FHIT: variants seen among roughly 807,000 people sequenced by gnomAD.
FHIT encodes bis(5'-adenosyl)-triphosphatase.
FHIT carries 19 observed loss-of-function variants against 17.9 expected under a neutral mutation model. The ratio of observed to expected loss-of-function variants is 1.06; its 90% CI spans 0.74 to 1.56. The LOEUF is 1.56. Ranked by LOEUF, FHIT falls within the 40% of genes most tolerant of loss-of-function variation. FHIT has a pLI of 0.00. For missense variants in FHIT, 248 were observed against 189.2 expected, an observed-to-expected ratio of 1.31 and a Z score of -1.82; for synonymous variants, 81 against 69.7, an observed-to-expected ratio of 1.16 and a Z score of -0.81.
chr3:60,253,394 A>G (rs1397515558), intron 5 of FHIT, among the ~76,000 whole-genome samples: 2 of 152,246 alleles, frequency 1.3e-5, no homozygotes, highest in African/African-American at 4.8e-5. Flanking sequence ...ATGATGTGAA[A>G]TGAAACAAAT....
chr3:60,369,053 G>C (rs1266091893), intron 5 of FHIT, among the ~76,000 whole-genome samples: 1 of 151,962 alleles, frequency 6.6e-6, no homozygotes, highest in Admixed American at 6.6e-5. Flanking sequence ...ACTCACTGCA[G>C]TGTCAGCCTC....
At chr3:60,074,813 C>G (rs1702933920) in intron 5 of FHIT, among the ~76,000 whole-genome samples, 3 of 152,074 alleles carry the variant, frequency 2.0e-5, no homozygotes, top group Non-Finnish European at 4.4e-5. Context: ...GCTTTTCTCA[C>G]TTTCCCAGAA....
intron 5 of FHIT, among the ~76,000 whole-genome samples, chr3:60,335,951 A>C (rs1710217693): frequency 6.6e-6 from 1 of 152,208 alleles, no homozygotes; most frequent in South Asian, 2.1e-4. Flanking sequence ...ATATGTTAAC[A>C]CAGAACATAT....
chr3:60,371,986 C>T (rs899269973), intron 5 of FHIT, among the ~76,000 whole-genome samples: 4 of 152,054 alleles, frequency 2.6e-5, no homozygotes, highest in African/African-American at 9.7e-5. Flanking sequence ...CTGCTAGTGA[C>T]ACTTCCTATT....
At position 60,401,543 on chromosome 3, in the gene FHIT, T is replaced by C. The variant is rs140927537; in HGVS notation, c.103+135317A>G. Among the ~76,000 whole-genome samples the C allele has an allele frequency of 1.5e-4, 23 of 152,334 alleles. No homozygotes were observed. In the East Asian group the frequency reaches 3.7e-3, roughly 24 times the overall value. ...ACCCCTTGGATAAGGTCAGCTCTTA[T>C]GTGGCTCTGATAACACATGATCCCT... On this transcript the variant is annotated intron_variant, in intron 5 of 9. Transcript: ENST00000492590.
At chr3:59,964,140 A>G (rs1008269515) in intron 7 of FHIT, among the ~76,000 whole-genome samples, 2 of 152,200 alleles carry the variant, frequency 1.3e-5, no homozygotes, top group African/African-American at 4.8e-5. Context: ...TATCTTTAAT[A>G]ACTTTAAATT....
intron 4 of FHIT, among the ~76,000 whole-genome samples, chr3:60,790,642 T>G (rs77033705): frequency 0.12 from 18,358 of 152,108 alleles, 1,505 homozygotes; most frequent in African/African-American, 0.23. Flanking sequence ...TTAATGTACC[T>G]TAAAACATAT....
chr3:60,623,570 T>C (rs1281851953), intron 4 of FHIT, among the ~76,000 whole-genome samples: 1 of 152,206 alleles, frequency 6.6e-6, no homozygotes, highest in Non-Finnish European at 1.5e-5. Flanking sequence ...AACTCGCACA[T>C]ACCAAAGTTT....
intron 4 of FHIT, among the ~76,000 whole-genome samples, chr3:60,579,756 A>C (rs1382338384): frequency 2.0e-5 from 3 of 152,162 alleles, no homozygotes; most frequent in African/African-American, 7.2e-5. Context: ...AAATGTTGGC[A>C]TATTCTCCTG....
chr3:60,375,821 G>A (rs1396240916), intron 5 of FHIT, among the ~76,000 whole-genome samples: 1 of 152,004 alleles, frequency 6.6e-6, no homozygotes, highest in African/African-American at 2.4e-5. Context: ...AGATCCTATA[G>A]ATGCAATGCT....
chr3:59,813,199 C>G (rs1160419580), intron 8 of FHIT, among the ~76,000 whole-genome samples: 1 of 152,106 alleles, frequency 6.6e-6, no homozygotes, highest in Non-Finnish European at 1.5e-5. Flanking sequence ...GCACCTTACT[C>G]CCTAGGCTTA....
At chr3:60,413,535 A>G (rs888904248) in intron 5 of FHIT, among the ~76,000 whole-genome samples, 2 of 152,200 alleles carry the variant, frequency 1.3e-5, no homozygotes, top group African/African-American at 2.4e-5. Flanking sequence ...TCATTTCTCA[A>G]TAAGTGCATG....
At chr3:60,028,339 T>C (rs1247297524) in intron 5 of FHIT, among the ~76,000 whole-genome samples, 2 of 152,228 alleles carry the variant, frequency 1.3e-5, no homozygotes, top group Non-Finnish European at 2.9e-5. Flanking sequence ...CCATGTCACA[T>C]TAACTCTGGG....
intron 3 of FHIT, among the ~76,000 whole-genome samples, chr3:60,847,923 A>C (rs1311359029): frequency 6.6e-6 from 1 of 152,172 alleles, no homozygotes; most frequent in Non-Finnish European, 1.5e-5. Context: ...TATCCTTGAC[A>C]TATGTAGAGA....
intron 4 of FHIT, among the ~76,000 whole-genome samples, chr3:60,626,645 TAA>T (rs2039294968): frequency 6.6e-6 from 1 of 152,072 alleles, no homozygotes; most frequent in South Asian, 2.1e-4. Context: ...CCATTTATAA[TAA>T]AGTTTTTCTT....
intron 1 of FHIT, among the ~76,000 whole-genome samples, chr3:61,217,418 T>A (rs1306886349): frequency 6.6e-6 from 1 of 152,218 alleles, no homozygotes; most frequent in Non-Finnish European, 1.5e-5. Flanking sequence ...CAGCTAGAGC[T>A]AGCAGCTGGA....
intron 5 of FHIT, among the ~76,000 whole-genome samples, chr3:60,491,159 T>A (rs1470066230): frequency 6.6e-6 from 1 of 152,056 alleles, no homozygotes; most frequent in East Asian, 1.9e-4. Flanking sequence ...AGGTAAACAA[T>A]AAGCTACTGA....
At chr3:60,621,547 G>T (rs1245566432) in intron 4 of FHIT, among the ~76,000 whole-genome samples, 5 of 151,884 alleles carry the variant, frequency 3.3e-5, no homozygotes, top group African/African-American at 1.2e-4. Flanking sequence ...AATTTGGACA[G>T]TTCCTTAAAG....
At chr3:61,205,461 C>T (rs1284723031) in intron 1 of FHIT, among the ~76,000 whole-genome samples, 3 of 152,166 alleles carry the variant, frequency 2.0e-5, no homozygotes, top group Admixed American at 2.0e-4. Context: ...GTTCCTATTT[C>T]TCCACATCCT....
Sources: allele counts gnomAD v4.1 joint callset (sites outside exome capture counted in the v4.1 genomes callset), GRCh38; gene constraint gnomAD v4.1.1; transcripts MANE v1.5; gene names NCBI Gene and HGNC (gene_info 2026-07-23, HGNC 2026-07-21).